FAF1: variants seen among roughly 807,000 people sequenced by gnomAD.
The protein encoded by FAF1 is FAS-associated factor 1.
In FAF1, 25 loss-of-function variants were observed where a neutral mutation model predicts 92.5. The observed-to-expected ratio is 0.27, with a 90% CI of 0.20 to 0.38. The LOEUF is 0.38. FAF1 is among the 10% of genes least tolerant of loss of function. The pLI, the probability that FAF1 is intolerant of heterozygous loss-of-function variation, is 1.00. For synonymous variants in FAF1, 234 were observed against 273.2 expected, an observed-to-expected ratio of 0.86 and a Z score of 1.42; for missense variants, 636 against 793.3, an observed-to-expected ratio of 0.80 and a Z score of 2.38.
At chr1:50,697,890 A>C (rs1657301835) in intron 7 of FAF1, among the ~76,000 whole-genome samples, 1 of 152,210 alleles carries the variant, frequency 6.6e-6, no homozygotes, top group South Asian at 2.1e-4. Flanking sequence ...AAGAATATTT[A>C]TCACAAAAAG....
rs545469797 is a variant in FAF1 at position 50,539,649 on chromosome 1, G to A, written c.1348C>T (p.Leu450Phe). The A allele has an allele frequency of 1.2e-6, 2 of 1,612,174 alleles. No homozygotes were observed. Among genetic ancestry groups the A allele is most frequent in the South Asian group, 1.1e-5 (1 of 90,960 alleles). The part of the protein sequence containing the change: ...IRTQKTDQFP[L>F]FLIIMGKRSS... ...CGCTTTCCCATAATAATCAGGAAAAGCGGAAACTGATCCGTTTTTTGAGTC... is the reference window on the plus strand; with the variant it reads ...CGCTTTCCCATAATAATCAGGAAAAACGGAAACTGATCCGTTTTTTGAGTC... Residue 450 changes from leucine (L) to phenylalanine (F), a missense_variant, in exon 14 of 19, where the codon CTT becomes TTT. Leu to Phe is a conservative substitution (Grantham distance 22). Around this residue, in one of 2 missense-constraint regions of FAF1, gnomAD observed 319 missense variants for 451.0 expected, o/e 0.71. Transcript: ENST00000396153.
chr1:50,922,094 G>A (rs1229491406), intron 1 of FAF1, among the ~76,000 whole-genome samples: 1 of 150,666 alleles, frequency 6.6e-6, no homozygotes, highest in Non-Finnish European at 1.5e-5. Flanking sequence ...TAGAACCCGG[G>A]AGGCAGAGGT....
At chr1:50,671,994 C>T (rs1286688319) in intron 7 of FAF1, among the ~76,000 whole-genome samples, 3 of 149,148 alleles carry the variant, frequency 2.0e-5, no homozygotes, top group African/African-American at 7.4e-5. Flanking sequence ...GAAAAGGTCT[C>T]ACTATGTTGT....
At chr1:50,748,322 C>T (rs970283497) in intron 4 of FAF1, among the ~76,000 whole-genome samples, 56 of 151,716 alleles carry the variant, frequency 3.7e-4, no homozygotes, top group African/African-American at 1.3e-3. Flanking sequence ...ATGGTGAAAC[C>T]CTGTCTCTAC....
intron 15 of FAF1, among the ~76,000 whole-genome samples, chr1:50,518,443 CTTTT>C (rs747169544): frequency 7.1e-6 from 1 of 140,974 alleles, no homozygotes; most frequent in African/African-American, 2.6e-5. Flanking sequence ...AAGTTTCTTT[CTTTT>C]TTTTTTTTTT....
intron 14 of FAF1, among the ~76,000 whole-genome samples, chr1:50,536,505 A>G (rs1247446148): frequency 1.3e-5 from 2 of 152,168 alleles, no homozygotes; most frequent in African/African-American, 2.4e-5. Context: ...CTTGACTAAC[A>G]TGATCTTTCA....
chr1:50,694,040 A>G (rs1355192641), intron 7 of FAF1, among the ~76,000 whole-genome samples: 4 of 152,116 alleles, frequency 2.6e-5, no homozygotes, highest in South Asian at 4.2e-4. Context: ...TATGACATAT[A>G]CATGACATGT....
intron 1 of FAF1, among the ~76,000 whole-genome samples, chr1:50,906,585 G>T (rs538023343): frequency 6.6e-6 from 1 of 152,280 alleles, no homozygotes; most frequent in East Asian, 1.9e-4. Context: ...TCCTTGAAGA[G>T]GTCCTTCACG....
At chr1:50,754,495 T>C (rs938867622) in intron 4 of FAF1, among the ~76,000 whole-genome samples, 2 of 152,216 alleles carry the variant, frequency 1.3e-5, no homozygotes, top group Non-Finnish European at 2.9e-5. Context: ...TTAGTTGTAA[T>C]AGGAATGACA....
chr1:50,484,206 G>A (rs1003321396), intron 17 of FAF1, among the ~76,000 whole-genome samples: 3 of 152,192 alleles, frequency 2.0e-5, no homozygotes, highest in Non-Finnish European at 4.4e-5. Context: ...AACCTGGAGA[G>A]TATGGATAGC....
chr1:50,747,692 C>T (rs1449463840), intron 4 of FAF1, among the ~76,000 whole-genome samples: 1 of 152,060 alleles, frequency 6.6e-6, no homozygotes, highest in African/African-American at 2.4e-5. Flanking sequence ...GGAGGGGCCA[C>T]GGGTGAAATA....
intron 8 of FAF1, among the ~76,000 whole-genome samples, chr1:50,626,343 T>C (rs1416457672): frequency 6.6e-6 from 1 of 152,028 alleles, no homozygotes; most frequent in Non-Finnish European, 1.5e-5. Flanking sequence ...GTGGAACATA[T>C]GGTATAAAAT....
Position 50,874,758 on chromosome 1 carries a change from C to CTT in FAF1, c.46-16763_46-16762dup, listed in dbSNP as rs755424291. 5.9e-3 allele frequency among the ~76,000 whole-genome samples: 400 copies of CTT among 67,266 alleles called. 36 individuals are homozygous for CTT. Among genetic ancestry groups the CTT allele is most frequent in the Non-Finnish European group, 8.5e-3 (311 of 36,416 alleles). 44.1% of individuals were successfully genotyped at this position (67,266 alleles called of 152,430 possible). On this transcript the variant is annotated intron_variant, in intron 1 of 18. Coordinates refer to ENST00000396153, the MANE Select transcript of FAF1 (RefSeq NM_007051.3). The stretch of plus-strand genomic sequence containing the variant: ...TTCTCCATCTTATTTTCTTTTCTTT[C>CTT]TTTTTTTTTTTTTTTTTTTTTTTTT...
At chr1:50,482,419 GC>G (rs894174663) in intron 17 of FAF1, among the ~76,000 whole-genome samples, 1 of 152,146 alleles carries the variant, frequency 6.6e-6, no homozygotes, top group African/African-American at 2.4e-5. Context: ...TACAAATAAA[GC>G]TGCCAAAAAC....
chr1:50,805,098 T>C (rs1006925475), intron 2 of FAF1, among the ~76,000 whole-genome samples: 1 of 152,218 alleles, frequency 6.6e-6, no homozygotes, highest in Non-Finnish European at 1.5e-5. Flanking sequence ...AGGAAAATGA[T>C]AGACTGATTA....
At chr1:50,604,757 G>A (rs1015462039) in intron 8 of FAF1, among the ~76,000 whole-genome samples, 1 of 152,066 alleles carries the variant, frequency 6.6e-6, no homozygotes, top group Admixed American at 6.6e-5. Flanking sequence ...CTGGTCTTGA[G>A]CTCCTGGGCT....
chr1:50,747,210 T>G (rs1438679465), intron 4 of FAF1, among the ~76,000 whole-genome samples: 1 of 152,120 alleles, frequency 6.6e-6, no homozygotes, highest in African/African-American at 2.4e-5. Context: ...ATAGATCCAC[T>G]AAATACCCTG....
chr1:50,491,610 T>C, intron 16 of FAF1, 111 bp downstream of exon 16: 1 of 691,360 alleles, frequency 1.4e-6, no homozygotes, highest in Non-Finnish European at 2.5e-6. Flanking sequence ...TAACTAAATC[T>C]AGCTTTCTCT....
chr1:50,575,603 T>C (rs563751759), intron 12 of FAF1, among the ~76,000 whole-genome samples: 157 of 152,336 alleles, frequency 1.0e-3, no homozygotes, highest in Admixed American at 2.0e-3. Context: ...AATTCAAATA[T>C]ATTTTTCTAA....
Sources: allele counts gnomAD v4.1 joint callset (sites outside exome capture counted in the v4.1 genomes callset), GRCh38; gene constraint gnomAD v4.1.1; regional missense constraint gnomAD v4.1.1; transcripts MANE v1.5; gene names NCBI Gene and HGNC (gene_info 2026-07-23, HGNC 2026-07-21).